Variants in TRAF3 observed in about 807,000 individuals in gnomAD.
TRAF3 encodes TNF receptor associated factor 3, also known as TNF receptor-associated factor 3.
A neutral mutation model predicts 62.3 loss-of-function variants in TRAF3; 13 were observed. The observed-to-expected ratio is 0.21, with a 90% CI of 0.14 to 0.33. The LOEUF (loss-of-function observed/expected upper bound fraction) is 0.33. Ranked by LOEUF, TRAF3 falls within the 10% of genes least tolerant of loss-of-function variation. The pLI is 1.00. For synonymous variants in TRAF3, 269 were observed against 283.4 expected (o/e 0.95, Z 0.51); for missense variants, 440 against 741.8 (o/e 0.59, Z 4.73).
intron 9 of TRAF3, among the ~76,000 whole-genome samples, chr14:102,892,549 T>C (rs1283698569): frequency 6.6e-6 from 1 of 152,246 alleles, no homozygotes; most frequent in African/African-American, 2.4e-5. Context: ...CCATTGTGGC[T>C]TAATTACAAA....
intron 1 of TRAF3, among the ~76,000 whole-genome samples, chr14:102,800,330 C>G (rs1396456647): frequency 6.6e-6 from 1 of 152,220 alleles, no homozygotes; most frequent in Non-Finnish European, 1.5e-5. Context: ...ACAGTCAGCT[C>G]TCAGAGAGGC....
intron 7 of TRAF3, among the ~76,000 whole-genome samples, chr14:102,888,791 C>CT (rs771308522): frequency 6.6e-6 from 1 of 152,222 alleles, no homozygotes; most frequent in African/African-American, 2.4e-5. Context: ...ACACATGACT[C>CT]TAAGTCCTTA....
At chr14:102,793,507 C>G (rs931641922) in intron 1 of TRAF3, among the ~76,000 whole-genome samples, 5 of 152,198 alleles carry the variant, frequency 3.3e-5, no homozygotes, top group African/African-American at 9.7e-5. Flanking sequence ...GAAACCTGCC[C>G]TCTCCTAATT....
chr14:102,791,133 C>T (rs1295626700), intron 1 of TRAF3, among the ~76,000 whole-genome samples: 2 of 151,680 alleles, frequency 1.3e-5, no homozygotes. Flanking sequence ...CATTCTCCTG[C>T]CTCAGCCTCC....
chr14:102,851,675 C>T (rs773777192), intron 2 of TRAF3, among the ~76,000 whole-genome samples: 4 of 152,030 alleles, frequency 2.6e-5, no homozygotes, highest in Non-Finnish European at 5.9e-5. Flanking sequence ...ACCCTGGAGG[C>T]GGAGCTTGCA....
chr14:102,784,425 G>C (rs528149042), intron 1 of TRAF3, among the ~76,000 whole-genome samples: 3 of 151,946 alleles, frequency 2.0e-5, no homozygotes, highest in African/African-American at 7.3e-5. Flanking sequence ...GTTTCACCAC[G>C]TTGGCCAGGC....
chr14:102,840,783 A>G (rs1234142945), intron 2 of TRAF3, among the ~76,000 whole-genome samples: 1 of 152,188 alleles, frequency 6.6e-6, no homozygotes, highest in Non-Finnish European at 1.5e-5. Flanking sequence ...ATCTTAAACA[A>G]CTTGAAAACC....
intron 4 of TRAF3, among the ~76,000 whole-genome samples, chr14:102,872,367 C>T (rs1037475295): frequency 6.6e-6 from 1 of 152,246 alleles, no homozygotes; most frequent in Non-Finnish European, 1.5e-5. Flanking sequence ...TCAACTCTTA[C>T]ACTAGGTTTT....
intron 1 of TRAF3, among the ~76,000 whole-genome samples, chr14:102,781,351 T>G (rs948809982): frequency 1.3e-5 from 2 of 152,160 alleles, no homozygotes; most frequent in Admixed American, 6.5e-5. Flanking sequence ...TGGGAGCTCA[T>G]GTGGGTCATG....
rs141662406 is a variant in TRAF3, at chr14:102,825,942, C to T, written c.-156-4392C>T. Among the ~76,000 whole-genome samples the T allele has an allele frequency of 5.1e-3, 784 of 152,318 alleles. 26 individuals are homozygous for T. Among genetic ancestry groups the T allele is most frequent in the Admixed American group, 0.047 (719 of 15,286 alleles). ...TCTTCTCTCCTCATCTCCTGTAGGC[C>T]GTAGGTGTTCCCTGTCAGGAATTTA... On this transcript the variant is annotated intron_variant, in intron 1 of 11. Coordinates refer to ENST00000392745, the MANE Select transcript of TRAF3 (RefSeq NM_145725.3).
In TRAF3 at chr14:102,908,098, TA is replaced by T. The variant is rs1026655409; in HGVS notation, c.*2316del. 2 of 152,428 alleles carry T rather than the reference TA, an allele frequency of 1.3e-5. No individual in the cohort carries two copies. The highest frequency in any genetic ancestry group is 2.9e-5 in the Non-Finnish European group (2 of 68,064). The allele number at this position is 152,428 out of a possible 1,614,324, so 9.4% of individuals were successfully genotyped here. A position where few individuals can be genotyped will look rare whatever the true frequency, so the allele number is the denominator to read the frequency against. ...AAGGATATGCAACATCTTGGTCTAG[TA>T]AGAACCGTTTCCTCCCCTCTGGGTT... On this transcript the variant is annotated 3_prime_UTR_variant, in exon 12 of 12. Coordinates refer to ENST00000392745, the MANE Select transcript of TRAF3 (RefSeq NM_145725.3).
In TRAF3 at chr14:102,796,074, G is replaced by A. The variant is rs535380983; in HGVS notation, c.-157+18399G>A. Among the ~76,000 whole-genome samples the A allele has an allele frequency of 3.3e-5, 5 of 152,244 alleles. 1 individual carries two copies. The South Asian group carries it at 8.3e-4, about 25-fold the overall frequency. On this transcript the variant is annotated intron_variant, in intron 1 of 11. Coordinates refer to ENST00000392745, the MANE Select transcript of TRAF3 (RefSeq NM_145725.3). ...TCTACTAAAAATACAAAAATTAGCC[G>A]GGTGTGGTGTCGGGTGCCTGTAATC...
chr14:102,858,260 TC>T (rs1887489514), intron 2 of TRAF3, among the ~76,000 whole-genome samples: 1 of 152,066 alleles, frequency 6.6e-6, no homozygotes, highest in Admixed American at 6.5e-5. Context: ...TAAGCGATTC[TC>T]CTGCCTCAGC....
chr14:102,880,825 C>G lies in TRAF3; in HGVS notation c.570+4300C>G, dbSNP rs74693085. 1.8e-4 allele frequency among the ~76,000 whole-genome samples: 27 copies of G among 152,316 alleles called. No individual in the cohort carries two copies. The East Asian group carries it at 5.0e-3, about 28-fold the overall frequency. On this transcript the variant is annotated intron_variant, in intron 6 of 11. Transcript: ENST00000392745. ...GGGCGCCGTGGCTTACGCCTATAAT[C>G]GCAGCACTTTGGGAGGCCGAGGTGG... is the stretch of plus-strand genomic sequence containing the variant.
At chr14:102,799,230 G>C (rs1385100457) in intron 1 of TRAF3, among the ~76,000 whole-genome samples, 3 of 152,148 alleles carry the variant, frequency 2.0e-5, no homozygotes, top group African/African-American at 7.2e-5. Context: ...GGGTACATTT[G>C]GGAGGAGCTT....
At chr14:102,886,153 T>A (rs772715983) in intron 6 of TRAF3, 36 bp from the exon 7 acceptor site, 5 of 1,607,772 alleles carry the variant, frequency 3.1e-6, no homozygotes, top group Non-Finnish European at 4.3e-6. Context: ...AGACAGGTTG[T>A]GTGTTTAAAG....
intron 1 of TRAF3, among the ~76,000 whole-genome samples, chr14:102,803,546 A>C (rs1207425345): frequency 6.6e-6 from 1 of 152,134 alleles, no homozygotes; most frequent in Non-Finnish European, 1.5e-5. Context: ...ATCTAGGACT[A>C]TAATGGAGGT....
rs191964943 is a variant in TRAF3, at chr14:102,781,530, C to T, written c.-157+3855C>T. Among the ~76,000 whole-genome samples, 17 of 152,260 alleles carry T rather than the reference C, an allele frequency of 1.1e-4. No homozygotes were observed. The East Asian group carries it at 1.2e-3, about 10-fold the overall frequency. Reference sequence around the variant, plus strand: ...AACAGCCCCTTCCTAGCCTGGCATGCGCACCTGTGGTCCCAGTTACTCCAG... The same window carrying T: ...AACAGCCCCTTCCTAGCCTGGCATGTGCACCTGTGGTCCCAGTTACTCCAG... On this transcript the variant is annotated intron_variant, in intron 1 of 11. Transcript: ENST00000392745.
At chr14:102,814,531 C>T (rs1007562610) in intron 1 of TRAF3, among the ~76,000 whole-genome samples, 2 of 151,684 alleles carry the variant, frequency 1.3e-5, no homozygotes, top group Admixed American at 1.3e-4. Flanking sequence ...TTCTTTTTTT[C>T]CCCCCCAAGA....
Sources: gnomAD v4.1 joint callset for allele counts (sites outside exome capture counted in the v4.1 genomes callset) on GRCh38, gnomAD v4.1.1 for gene constraint, MANE v1.5 for transcripts, NCBI Gene and HGNC (gene_info 2026-07-23, HGNC 2026-07-21) for gene names.